Variants in PHF14 observed in about 807,000 individuals in gnomAD.
The protein encoded by PHF14 is PHD finger protein 14.
In PHF14, 55 loss-of-function variants were observed where a neutral mutation model predicts 117.9. The ratio of observed to expected loss-of-function variants is 0.47; its 90% confidence interval spans 0.38 to 0.58. PHF14 has a LOEUF of 0.58. PHF14 is among the 20% of genes least tolerant of loss of function. The pLI, the probability that PHF14 is intolerant of heterozygous loss-of-function variation, is 0.00. For synonymous variants in PHF14, 409 were observed against 368.6 expected (o/e 1.11, Z -1.26); for missense variants, 978 against 1,122.2 (o/e 0.87, Z 1.84).
At chr7:11,121,522 T>A (rs923289347) in intron 17 of PHF14, among the ~76,000 whole-genome samples, 1 of 152,144 alleles carries the variant, frequency 6.6e-6, no homozygotes, top group African/African-American at 2.4e-5. Flanking sequence ...AAACCAGTTA[T>A]TTTTTCCTAG....
At chr7:10,991,527 C>A (rs1333799885) in intron 4 of PHF14, among the ~76,000 whole-genome samples, 2 of 151,984 alleles carry the variant, frequency 1.3e-5, no homozygotes, top group Admixed American at 6.6e-5. Flanking sequence ...CCAGGCTGGT[C>A]TCAAACTCCT....
rs777109248 is a variant in PHF14, at chr7:10,982,767, A to G, written c.508A>G (p.Thr170Ala). 35 of 1,613,768 alleles carry G rather than the reference A, an allele frequency of 2.2e-5. No individual in the cohort carries two copies. The South Asian group carries it at 3.6e-4, about 17-fold the overall frequency. ...VNTSPSVPTT[T>A]TATEEQVSEP... ...CACATCCCCTTCTGTTCCCACTACG[A>G]CAACCGCTACAGAGGAACAAGTCAG... The change falls in exon 3 of 18, where the codon ACA becomes GCA. Residue 170 changes from threonine (T) to alanine (A), a missense_variant. Around this residue, in one of 7 missense-constraint regions of PHF14, gnomAD observed 414 missense variants for 376.4 expected, o/e 1.10. Coordinates refer to ENST00000634607, the MANE Select transcript of PHF14 (RefSeq NM_001007157.2).
At chr7:11,079,177 A>G (rs914517274) in intron 16 of PHF14, among the ~76,000 whole-genome samples, 1 of 152,156 alleles carries the variant, frequency 6.6e-6, no homozygotes, top group Non-Finnish European at 1.5e-5. Context: ...GTGCCCTTTC[A>G]AAAGGAGCTT....
At chr7:11,155,014 G>A (rs747234960) in intron 17 of PHF14, among the ~76,000 whole-genome samples, 1 of 152,054 alleles carries the variant, frequency 6.6e-6, no homozygotes, top group South Asian at 2.1e-4. Flanking sequence ...CTATCTATCT[G>A]TAGGTACCTA....
chr7:11,075,991 T>C (rs1168731593), intron 16 of PHF14, among the ~76,000 whole-genome samples: 1 of 152,004 alleles, frequency 6.6e-6, no homozygotes, highest in African/African-American at 2.4e-5. Context: ...AAGTAAAAAT[T>C]AGCCGGGCAT....
chr7:11,147,786 G>T (rs565078947), intron 17 of PHF14, among the ~76,000 whole-genome samples: 1 of 152,086 alleles, frequency 6.6e-6, no homozygotes, highest in Admixed American at 6.6e-5. Flanking sequence ...AGTTGTACCT[G>T]TATTTGGGGG....
intron 4 of PHF14, among the ~76,000 whole-genome samples, chr7:11,007,855 A>G (rs1032428872): frequency 6.6e-6 from 1 of 152,182 alleles, no homozygotes; most frequent in African/African-American, 2.4e-5. Context: ...TTGCTAAAAG[A>G]TAGTATGCCA....
At chr7:11,122,441 A>G (rs960526724) in intron 17 of PHF14, among the ~76,000 whole-genome samples, 1 of 122,736 alleles carries the variant, frequency 8.1e-6, no homozygotes, top group Admixed American at 8.1e-5. Flanking sequence ...ATATATATAT[A>G]CGTATATATA....
At chr7:11,169,353 C>G in intron 17 of PHF14, 63 bp from the exon 18 acceptor site, 3 of 725,086 alleles carry the variant, frequency 4.1e-6, no homozygotes, top group Non-Finnish European at 6.8e-6. Flanking sequence ...TAAAATCTGT[C>G]AAGTATAGCT....
intron 7 of PHF14, among the ~76,000 whole-genome samples, chr7:11,035,123 C>T (rs535375455): frequency 5.4e-5 from 8 of 148,004 alleles, no homozygotes; most frequent in South Asian, 4.3e-4. Context: ...AAAAAAAAAG[C>T]GTAATAAAAA....
chr7:11,005,136 TG>T (rs1200269744), intron 4 of PHF14, among the ~76,000 whole-genome samples: 1 of 152,090 alleles, frequency 6.6e-6, no homozygotes, highest in African/African-American at 2.4e-5. Context: ...GATAAATCTG[TG>T]GGGTAATAAC....
At chr7:11,049,570 C>T (rs1784784787) in intron 13 of PHF14, among the ~76,000 whole-genome samples, 1 of 151,452 alleles carries the variant, frequency 6.6e-6, no homozygotes, top group South Asian at 2.1e-4. Context: ...ATTAAGATTA[C>T]AATTTAATGC....
chr7:11,134,028 T>G (rs1004135245), intron 17 of PHF14, among the ~76,000 whole-genome samples: 1 of 152,034 alleles, frequency 6.6e-6, no homozygotes. Flanking sequence ...CCTTCCCACT[T>G]AAATCGTTTA....
chr7:11,080,986 A>G (rs1306417192), intron 16 of PHF14, among the ~76,000 whole-genome samples: 1 of 152,218 alleles, frequency 6.6e-6, no homozygotes, highest in Non-Finnish European at 1.5e-5. Flanking sequence ...CAAAGACTTC[A>G]CCATTATACA....
chr7:11,007,874 T>C (rs1385595897), intron 4 of PHF14, among the ~76,000 whole-genome samples: 2 of 152,218 alleles, frequency 1.3e-5, no homozygotes, highest in African/African-American at 4.8e-5. Context: ...CAAATTTCGC[T>C]TATTGAATTT....
chr7:11,159,681 CAG>C (rs1398973766), intron 17 of PHF14, among the ~76,000 whole-genome samples: 8 of 151,952 alleles, frequency 5.3e-5, no homozygotes, highest in Admixed American at 6.6e-5. Context: ...TTGAGGGAAA[CAG>C]AGTAAAAGGT....
chr7:11,062,393 G>T, intron 16 of PHF14: 1 of 177,048 alleles, frequency 5.6e-6, no homozygotes, highest in East Asian at 1.5e-4. Context: ...TAAACACTGT[G>T]TACTAAGATT....
chr7:11,096,376 T>G (rs1786867469), intron 16 of PHF14, among the ~76,000 whole-genome samples: 1 of 152,128 alleles, frequency 6.6e-6, no homozygotes, highest in African/African-American at 2.4e-5. Context: ...AGAAAGGGAA[T>G]TTTGTAAAGA....
chr7:10,998,353 G>A (rs2128312345), intron 4 of PHF14, among the ~76,000 whole-genome samples: 1 of 152,198 alleles, frequency 6.6e-6, no homozygotes, highest in Middle Eastern at 3.4e-3. Context: ...TAGAGATTTG[G>A]GGAGGCAGAG....
Sources: allele counts gnomAD v4.1 joint callset (sites outside exome capture counted in the v4.1 genomes callset), GRCh38; gene constraint gnomAD v4.1.1; regional missense constraint gnomAD v4.1.1; transcripts MANE v1.5; gene names NCBI Gene and HGNC (gene_info 2026-07-23, HGNC 2026-07-21).